Variants in CEP83 observed in about 807,000 individuals in gnomAD.
The protein encoded by CEP83 is centrosomal protein of 83 kDa.
Under a neutral mutation model 101.9 loss-of-function variants are expected in CEP83, and 70 were observed. The observed-to-expected ratio is 0.69, with a 90% confidence interval of 0.57 to 0.84. CEP83 has a LOEUF of 0.84. Among genes scored for constraint, CEP83 ranks in the 40% least tolerant of loss-of-function variants. CEP83 has a pLI of 0.00. For missense variants in CEP83, 715 were observed against 787.2 expected (o/e 0.91, Z 1.10); for synonymous variants, 264 against 267.9 (o/e 0.99, Z 0.14).
intron 1 of CEP83, among the ~76,000 whole-genome samples, chr12:94,455,294 T>C (rs1432214500): frequency 5.3e-5 from 8 of 152,306 alleles, no homozygotes; most frequent in African/African-American, 1.9e-4. Context: ...TGAGAGAGGC[T>C]GAATATGAAC....
intron 14 of CEP83, among the ~76,000 whole-genome samples, chr12:94,324,072 C>T (rs964489828): frequency 4.6e-5 from 7 of 152,130 alleles, no homozygotes; most frequent in African/African-American, 1.7e-4. Flanking sequence ...TCACTAAATT[C>T]AGTTTGCTAA....
intron 7 of CEP83, among the ~76,000 whole-genome samples, chr12:94,377,912 T>C (rs2061635509): frequency 6.6e-6 from 1 of 152,112 alleles, no homozygotes; most frequent in East Asian, 1.9e-4. Flanking sequence ...AACCAGTAAA[T>C]ACTGACAGAG....
At chr12:94,433,276 T>G (rs1369142433) in intron 2 of CEP83, among the ~76,000 whole-genome samples, 4 of 151,964 alleles carry the variant, frequency 2.6e-5, no homozygotes, top group African/African-American at 4.8e-5. Context: ...GAGGATAGAT[T>G]TGAGGAGGAA....
rs572421584 is a variant in CEP83 at position 94,370,627 on chromosome 12, T to C, written c.934-591A>G. On this transcript the variant is annotated intron_variant, in intron 8 of 16. Coordinates refer to ENST00000397809, the MANE Select transcript of CEP83 (RefSeq NM_016122.3). ...TCCTGGCCTCAAGCAATCCACCTGC[T>C]TTGGCCTCCTAAAGTGCTAGGATTA... Among the ~76,000 whole-genome samples, 7 of 152,106 alleles carry C rather than the reference T, an allele frequency of 4.6e-5. No individual in the cohort carries two copies. The South Asian group carries it at 1.5e-3, about 32-fold the overall frequency.
rs150425222 is a variant in CEP83 at position 94,374,381 on chromosome 12, C to T, written c.933+1505G>A. Among the ~76,000 whole-genome samples, 140 of 152,154 alleles carry T rather than the reference C, an allele frequency of 9.2e-4. 1 individual carries two copies. The highest frequency in any genetic ancestry group is 5.0e-3 in the East Asian group (26 of 5,184). On this transcript the variant is annotated intron_variant, in intron 8 of 16. Transcript: ENST00000397809. ...GTAGTCTGGCTACTCAGGTCAAGAA[C>T]AATGTGCTGCAAATACTACGTACTC...
At position 94,431,530 on chromosome 12, in the gene CEP83, T is replaced by C. The variant is rs983658057; in HGVS notation, c.-102+3745A>G. Among the ~76,000 whole-genome samples the C allele has an allele frequency of 2.2e-4, 34 of 151,892 alleles. 1 individual carries two copies. Among genetic ancestry groups the C allele is most frequent in the Admixed American group, 5.9e-4 (9 of 15,248 alleles). ...AAACCCACTGAATGGGAGAAAATAT[T>C]TGCAAACCATTCACCTGACAAGGGA... On this transcript the variant is annotated intron_variant, in intron 2 of 16. Transcript: ENST00000397809.
chr12:94,413,599 A>C (rs924975417), intron 2 of CEP83, among the ~76,000 whole-genome samples: 1 of 152,166 alleles, frequency 6.6e-6, no homozygotes, highest in Admixed American at 6.5e-5. Flanking sequence ...TTCACATGAG[A>C]AATTTGTCAA....
intron 8 of CEP83, 87 bp downstream of exon 8, chr12:94,375,799 T>A: frequency 3.0e-6 from 2 of 670,142 alleles, no homozygotes; most frequent in Non-Finnish European, 4.5e-6. Context: ...CATTTCAGTA[T>A]AAAGAAATCA....
chr12:94,432,694 ATAAT>A (rs761583438), intron 2 of CEP83, among the ~76,000 whole-genome samples: 11 of 152,220 alleles, frequency 7.2e-5, no homozygotes, highest in Non-Finnish European at 1.5e-4. Context: ...AGTACAGTTA[ATAAT>A]TAATTTGAAT....
At chr12:94,299,565 CTCT>C in the CEP83 span, among the ~76,000 whole-genome samples, 1 of 140,774 alleles carries the variant, frequency 7.1e-6, no homozygotes, top group African/African-American at 2.6e-5. Flanking sequence ...GTGTTCTAGC[CTCT>C]TTTTTTTTGA....
intron 11 of CEP83, among the ~76,000 whole-genome samples, chr12:94,338,898 C>T (rs549407055): frequency 2.0e-5 from 3 of 151,700 alleles, no homozygotes; most frequent in Non-Finnish European, 2.9e-5. Context: ...GGAAGTCAAC[C>T]GTAAGGATCA....
Position 94,412,594 on chromosome 12 carries a change from G to A in CEP83, c.-101-3C>T, listed in dbSNP as rs2063955309. On this transcript the variant is annotated splice_polypyrimidine_tract_variant and splice_region_variant and intron_variant, in intron 2 of 16. Coordinates refer to ENST00000397809, the MANE Select transcript of CEP83 (RefSeq NM_016122.3). The stretch of plus-strand genomic sequence containing the variant: ...AATCTCAGGAAGCCAAATTATACCT[G>A]CACAGAGAAATAAACATAATTACAT... The A allele has an allele frequency of 2.4e-6, 2 of 849,442 alleles. No individual in the cohort carries two copies. Among genetic ancestry groups the A allele is most frequent in the Admixed American group, 2.7e-5 (1 of 37,580 alleles). 52.6% of individuals were successfully genotyped at this position (849,442 alleles called of 1,614,324 possible).
intron 1 of CEP83, among the ~76,000 whole-genome samples, chr12:94,459,193 T>C (rs1041897411): frequency 1.3e-5 from 2 of 152,224 alleles, no homozygotes; most frequent in Non-Finnish European, 2.9e-5. Flanking sequence ...CCAAAGTATT[T>C]AAACCCAGCA....
At chr12:94,347,068 T>TATATATATAC (rs561705061) in intron 11 of CEP83, among the ~76,000 whole-genome samples, 297 of 147,468 alleles carry the variant, frequency 2.0e-3, no homozygotes, top group Non-Finnish European at 2.4e-3. Flanking sequence ...TATATATATA[T>TATATATATAC]ACACATACAC....
At chr12:94,313,147 G>A in intron 14 of CEP83, 130 bp from the exon 15 acceptor site, 1 of 458,492 alleles carries the variant, frequency 2.2e-6, no homozygotes, top group Non-Finnish European at 3.8e-6. Context: ...TAGAAACAAA[G>A]GTTAGTAGAC....
chr12:94,283,987 G>A, the CEP83 span, among the ~76,000 whole-genome samples: 1 of 151,942 alleles, frequency 6.6e-6, no homozygotes, highest in Non-Finnish European at 1.5e-5. Flanking sequence ...GGAGGCTGAG[G>A]CAGGAGAATT....
the CEP83 span, chr12:94,301,154 C>A: frequency 2.1e-6 from 2 of 959,764 alleles, no homozygotes; most frequent in Admixed American, 2.3e-5. Context: ...TTGGTCTAAA[C>A]TACACCAGCT....
intron 6 of CEP83, among the ~76,000 whole-genome samples, chr12:94,381,867 G>A (rs975976632): frequency 7.9e-5 from 12 of 152,034 alleles, no homozygotes; most frequent in African/African-American, 2.2e-4. Context: ...TTAATATAGC[G>A]GGATCCTGTA....
At chr12:94,356,300 G>T (rs1226581615) in intron 11 of CEP83, among the ~76,000 whole-genome samples, 1 of 152,204 alleles carries the variant, frequency 6.6e-6, no homozygotes. Flanking sequence ...CAAGAGTATA[G>T]TGAAGTAACA....
Sources: gnomAD v4.1 joint callset for allele counts (sites outside exome capture counted in the v4.1 genomes callset) on GRCh38, gnomAD v4.1.1 for gene constraint, MANE v1.5 for transcripts, NCBI Gene and HGNC (gene_info 2026-07-23, HGNC 2026-07-21) for gene names.